Variants in F10 observed in about 807,000 individuals in gnomAD.
F10 encodes the protein coagulation factor X, also known as Stuart-Prower factor.
In F10, 29 loss-of-function variants were observed where a neutral mutation model predicts 37.1. The ratio of observed to expected loss-of-function variants is 0.78; its 90% CI spans 0.58 to 1.07. The LOEUF (loss-of-function observed/expected upper bound fraction) is 1.07. Among genes scored for constraint, F10 ranks in the 50% least tolerant of loss-of-function variants. F10 has a pLI of 0.00. For synonymous variants in F10, 262 were observed against 268.6 expected, an observed-to-expected ratio of 0.98 and a Z score of 0.24; for missense variants, 539 against 667.9, an observed-to-expected ratio of 0.81 and a Z score of 2.13.
intron 2 of F10, among the ~76,000 whole-genome samples, chr13:113,134,692 A>G (rs1013785292): frequency 2.0e-5 from 3 of 152,252 alleles, no homozygotes; most frequent in Non-Finnish European, 4.4e-5. Flanking sequence ...TAACAAGGTC[A>G]CAGAATACAA....
rs2036522367 is a variant in F10 at position 113,140,995 on chromosome 13, C to T, written c.447C>T (p.Cys149=). The change falls in exon 5 of 8, where the codon TGC becomes TGT. Residue 149 remains cysteine (C), a synonymous_variant. Transcript: ENST00000375559. ...FCHEEQNSVV[C]SCARGYTLAD... ...ACGAGGAACAGAACTCTGTGGTGTG[C>T]TCCTGCGCCCGCGGGTACACCCTGG... 1.2e-6 allele frequency: 2 copies of T among 1,613,994 alleles called. No homozygotes were observed. Among genetic ancestry groups the T allele is most frequent in the Admixed American group, 1.7e-5 (1 of 60,014 alleles).
chr13:113,143,140 G>T lies in F10; in HGVS notation c.503-711G>T, dbSNP rs990538288. On this transcript the variant is annotated intron_variant, in intron 5 of 7. Transcript: ENST00000375559. The surrounding 1 kb of genome is among the most constrained non-coding windows in gnomAD (Gnocchi z 6.8). ...GACCCCAGACACGTGTGGCCACAGA[G>T]AAGCCCCTTGCCATCCATTCCCCCC... 2.0e-5 allele frequency among the ~76,000 whole-genome samples: 3 copies of T among 151,928 alleles called. No homozygotes were observed. Among genetic ancestry groups the T allele is most frequent in the African/African-American group, 7.3e-5 (3 of 41,342 alleles).
chr13:113,129,841 G>T (rs547933947), intron 2 of F10, among the ~76,000 whole-genome samples: 17 of 152,362 alleles, frequency 1.1e-4, no homozygotes, highest in Admixed American at 9.1e-4. Context: ...AGCGGGGAGG[G>T]ATGCGCCCAA....
chr13:113,134,008 T>C (rs1185480772), intron 2 of F10, among the ~76,000 whole-genome samples: 1 of 152,142 alleles, frequency 6.6e-6, no homozygotes, highest in East Asian at 1.9e-4. Flanking sequence ...CAGCAGAATA[T>C]GAATAGGAGG....
At chr13:113,136,441 C>A (rs920385924) in intron 2 of F10, among the ~76,000 whole-genome samples, 4 of 149,832 alleles carry the variant, frequency 2.7e-5, no homozygotes, top group Non-Finnish European at 5.9e-5. Context: ...TCTATAGCAA[C>A]TCTAGTCTTT....
chr13:113,148,808 C>A, intron 7 of F10, 108 bp from the exon 8 acceptor site: 4 of 1,502,536 alleles, frequency 2.7e-6, no homozygotes, highest in Non-Finnish European at 3.6e-6. Context: ...AAAGTGATCA[C>A]GTGCCATTTT....
At chr13:113,125,931 G>A (rs758720192) in intron 1 of F10, among the ~76,000 whole-genome samples, 2 of 152,082 alleles carry the variant, frequency 1.3e-5, no homozygotes, top group Admixed American at 6.5e-5. Flanking sequence ...AAAGAGACAC[G>A]AGTGGGGGCA....
intron 6 of F10, 21 bp from the exon 7 acceptor site, chr13:113,147,358 A>C: frequency 2.6e-6 from 4 of 1,542,664 alleles, no homozygotes. Flanking sequence ...AGCCACACTG[A>C]GCCTGTCACG....
Position 113,122,846 on chromosome 13 carries a change from C to CG in F10, c.-8dup. On this transcript the variant is annotated 5_prime_UTR_variant, in exon 1 of 8. Coordinates refer to ENST00000375559, the MANE Select transcript of F10 (RefSeq NM_000504.4). ...CCAGTGAGGACAGGGACACAGTACT[C>CG]GGCCACACCATGGGGCGCCCACTGC... The CG allele has an allele frequency of 6.2e-7, 1 of 1,609,472 alleles. No homozygotes were observed. Among genetic ancestry groups the CG allele is most frequent in the South Asian group, 1.1e-5 (1 of 91,086 alleles).
intron 6 of F10, among the ~76,000 whole-genome samples, chr13:113,145,037 C>CCCAGCTAA (rs1301185808): frequency 1.3e-5 from 2 of 152,144 alleles, no homozygotes; most frequent in African/African-American, 4.8e-5. Flanking sequence ...TGCCACCACG[C>CCCAGCTAA]CCAGCTAATT....
intron 2 of F10, among the ~76,000 whole-genome samples, chr13:113,137,592 G>A (rs940095327): frequency 2.6e-5 from 4 of 152,106 alleles, no homozygotes; most frequent in African/African-American, 9.7e-5. Flanking sequence ...ATTTATTGTC[G>A]CAGCTTTGGA....
chr13:113,139,931 T>C lies in F10; in HGVS notation c.370+461T>C, dbSNP rs1286410240. 1.3e-5 allele frequency among the ~76,000 whole-genome samples: 2 copies of C among 152,192 alleles called. No individual in the cohort carries two copies. Among genetic ancestry groups the C allele is most frequent in the African/African-American group, 2.4e-5 (1 of 41,448 alleles). On this transcript the variant is annotated intron_variant, in intron 4 of 7. Coordinates refer to ENST00000375559, the MANE Select transcript of F10 (RefSeq NM_000504.4). The surrounding 1 kb of genome is among the most constrained non-coding windows in gnomAD (Gnocchi z 5.2). Reference sequence around the variant, plus strand: ...TGGCCAATTATAAAAATTTGATACATTTAATTAGTTCTACGTGGAAAAATC... The same window carrying C: ...TGGCCAATTATAAAAATTTGATACACTTAATTAGTTCTACGTGGAAAAATC...
rs1555396301 is a variant in F10, at chr13:113,148,345, A to ATATATATATATATATAT, written c.866-571_866-570insTATATATATATATATAT. Among the ~76,000 whole-genome samples the ATATATATATATATATAT allele has an allele frequency of 2.3e-4, 22 of 95,398 alleles. No homozygotes were observed. The East Asian group carries it at 6.4e-3, about 28-fold the overall frequency. 62.6% of individuals were successfully genotyped at this position (95,398 alleles called of 152,430 possible). On this transcript the variant is annotated intron_variant, in intron 7 of 7. Transcript: ENST00000375559. ...AACTCTGTCTCAAAAAAAAAAAAAAAATATATATATATATATATGTATATA... is the reference window on the plus strand; with the variant it reads ...AACTCTGTCTCAAAAAAAAAAAAAAATATATATATATATATATATATATATATATATATATGTATATA...
At position 113,146,492 on chromosome 13, in the gene F10, C is replaced by T. The variant is rs893946899; in HGVS notation, c.748-887C>T. On this transcript the variant is annotated intron_variant, in intron 6 of 7. Transcript: ENST00000375559. The surrounding 1 kb of genome is among the most constrained non-coding windows in gnomAD (Gnocchi z 4.5). ...CCCTCGCCCAGCCTGTTGAGGTTTGCGATTCTTGTTTCCTGGTTCGAGTCT... is the reference window on the plus strand; with the variant it reads ...CCCTCGCCCAGCCTGTTGAGGTTTGTGATTCTTGTTTCCTGGTTCGAGTCT... 6.6e-6 allele frequency among the ~76,000 whole-genome samples: 1 copy of T among 152,122 alleles called. No individual in the cohort carries two copies. The highest frequency in any genetic ancestry group is 1.5e-5 in the Non-Finnish European group (1 of 68,034).
Position 113,134,044 on chromosome 13 carries a change from A to T in F10, c.232-4413A>T, listed in dbSNP as rs144065242. On this transcript the variant is annotated intron_variant, in intron 2 of 7. Coordinates refer to ENST00000375559, the MANE Select transcript of F10 (RefSeq NM_000504.4). The stretch of plus-strand genomic sequence containing the variant: ...GAATTTTATGAACATAATAAAGTTC[A>T]TCTACAAAGAGTCTACAGTTGATAT... Among the ~76,000 whole-genome samples the T allele has an allele frequency of 9.8e-4, 149 of 152,346 alleles. 1 individual carries two copies. In the East Asian group the frequency reaches 0.012, roughly 13 times the overall value.
rs528995489 is a variant in F10 at position 113,143,270 on chromosome 13, C to T, written c.503-581C>T. On this transcript the variant is annotated intron_variant, in intron 5 of 7. Coordinates refer to ENST00000375559, the MANE Select transcript of F10 (RefSeq NM_000504.4). This position sits in a 1 kb window ranked among gnomAD's most constrained non-coding sequence, Gnocchi z 6.8. ...TGGCCGTTATACAAAAGGAAGCTTC[C>T]TAACATCTCGGCGTGGCCTCTCTGG... Among the ~76,000 whole-genome samples, 21 of 152,268 alleles carry T rather than the reference C, an allele frequency of 1.4e-4. No homozygotes were observed. The highest frequency in any genetic ancestry group is 4.3e-4 in the African/African-American group (18 of 41,570).
chr13:113,143,826 GC>G lies in F10; in HGVS notation c.503-21del. 1.2e-6 allele frequency: 2 copies of G among 1,609,504 alleles called. No homozygotes were observed. ...TGGGGAGCCTCTCTCTGTGCTGAAG[GC>G]CCCGGCCGTCCTCTTTCTTTCAGGG... On this transcript the variant is annotated intron_variant, in intron 5 of 7. Coordinates refer to ENST00000375559, the MANE Select transcript of F10 (RefSeq NM_000504.4). This position sits in a 1 kb window ranked among gnomAD's most constrained non-coding sequence, Gnocchi z 6.8.
chr13:113,144,359 A>G lies in F10; in HGVS notation c.747+264A>G. The G allele has an allele frequency of 1.7e-6, 1 of 574,414 alleles. No individual in the cohort carries two copies. The highest frequency in any genetic ancestry group is 3.1e-6 in the Non-Finnish European group (1 of 321,650). 35.6% of individuals were successfully genotyped at this position (574,414 alleles called of 1,614,324 possible). A position where few individuals can be genotyped will look rare whatever the true frequency, so the allele number is the denominator to read the frequency against. On this transcript the variant is annotated intron_variant, in intron 6 of 7. Transcript: ENST00000375559. This position sits in a 1 kb window ranked among gnomAD's most constrained non-coding sequence, Gnocchi z 6.4. ...CCCCCTCAGCCCCTTCCCACTGGGCATTTCCATGGCTGCCCGTGGCATGCC... is the reference window on the plus strand; with the variant it reads ...CCCCCTCAGCCCCTTCCCACTGGGCGTTTCCATGGCTGCCCGTGGCATGCC...
intron 1 of F10, among the ~76,000 whole-genome samples, chr13:113,123,710 T>C (rs3211721): frequency 0.067 from 10,159 of 152,158 alleles, 1,102 homozygotes; most frequent in African/African-American, 0.23. Context: ...GGGAGACCCC[T>C]GGGAAGGCTG....
Sources: gnomAD v4.1 joint callset for allele counts (sites outside exome capture counted in the v4.1 genomes callset) on GRCh38, gnomAD v4.1.1 for gene constraint, Gnocchi (gnomAD v3.1) non-coding constraint, MANE v1.5 for transcripts, NCBI Gene and HGNC (gene_info 2026-07-23, HGNC 2026-07-21) for gene names.